The following SETBP1 variants were observed in gnomAD, a reference collection of about 807,000 sequenced individuals.
SETBP1 encodes the protein SET-binding protein.
Under a neutral mutation model 101.0 loss-of-function variants are expected in SETBP1, and 9 were observed. The observed-to-expected ratio is 0.09, with a 90% CI of 0.05 to 0.16. SETBP1 has a LOEUF of 0.16. Among genes scored for constraint, SETBP1 ranks in the 10% least tolerant of loss-of-function variants. SETBP1 has a pLI of 1.00. For synonymous variants in SETBP1, 818 were observed against 788.5 expected (o/e 1.04, Z -0.63); for missense variants, 1,858 against 2,033.8 (o/e 0.91, Z 1.66).
At chr18:44,963,809 G>C (rs763518260) in intron 4 of SETBP1, among the ~76,000 whole-genome samples, 10 of 145,664 alleles carry the variant, frequency 6.9e-5, no homozygotes, top group Non-Finnish European at 1.5e-4. Context: ...ACGACTGCTT[G>C]AGCCCAGGAG....
chr18:44,805,522 A>C (rs1487744931), intron 2 of SETBP1, among the ~76,000 whole-genome samples: 1 of 152,068 alleles, frequency 6.6e-6, no homozygotes, highest in Non-Finnish European at 1.5e-5. Context: ...ACCCCTTCAC[A>C]AAGCAATTTT....
At chr18:44,860,764 A>G (rs1477538311) in intron 2 of SETBP1, among the ~76,000 whole-genome samples, 1 of 149,958 alleles carries the variant, frequency 6.7e-6, no homozygotes, top group East Asian at 1.9e-4. Flanking sequence ...AAAAAAAAGT[A>G]TAAAGAAAGA....
intron 4 of SETBP1, among the ~76,000 whole-genome samples, chr18:45,005,084 T>A (rs1378517843): frequency 6.6e-6 from 1 of 152,174 alleles, no homozygotes; most frequent in African/African-American, 2.4e-5. Flanking sequence ...GGAATGAAAC[T>A]AATATTATGA....
At chr18:44,967,576 G>T (rs1362383719) in intron 4 of SETBP1, among the ~76,000 whole-genome samples, 1 of 152,198 alleles carries the variant, frequency 6.6e-6, no homozygotes, top group Non-Finnish European at 1.5e-5. Context: ...CTGAAATCAG[G>T]TGTGGTCAGG....
chr18:44,948,060 G>A (rs1309851596), intron 3 of SETBP1, among the ~76,000 whole-genome samples: 1 of 152,188 alleles, frequency 6.6e-6, no homozygotes, highest in Admixed American at 6.5e-5. Context: ...TGTTTTTGCT[G>A]AAAATGGAAT....
intron 4 of SETBP1, among the ~76,000 whole-genome samples, chr18:45,002,732 A>C (rs1568021294): frequency 6.6e-6 from 1 of 151,160 alleles, no homozygotes; most frequent in East Asian, 1.9e-4. Context: ...AACTTCAGCA[A>C]CTCTCTCATC....
intron 2 of SETBP1, among the ~76,000 whole-genome samples, chr18:44,844,983 TC>T (rs1210320064): frequency 6.6e-6 from 1 of 151,806 alleles, no homozygotes; most frequent in African/African-American, 2.4e-5. Context: ...GAGAGGAGGG[TC>T]TTGATGGGAA....
At chr18:44,719,889 A>G (rs902670328) in intron 2 of SETBP1, among the ~76,000 whole-genome samples, 3 of 152,190 alleles carry the variant, frequency 2.0e-5, no homozygotes, top group Admixed American at 6.5e-5. Context: ...CAAAGCACAC[A>G]GCCTGCTGGC....
chr18:44,846,193 A>G (rs551628307), intron 2 of SETBP1, among the ~76,000 whole-genome samples: 1 of 152,302 alleles, frequency 6.6e-6, no homozygotes, highest in East Asian at 1.9e-4. Flanking sequence ...CTCAACTGTG[A>G]ATTTTTTAAA....
At position 45,064,484 on chromosome 18, in the gene SETBP1, G is replaced by T. The variant is rs779877052; in HGVS notation, c.*786G>T. The T allele has an allele frequency of 6.6e-6, 1 of 151,182 alleles. No individual in the cohort carries two copies. The highest frequency in any genetic ancestry group is 1.5e-5 in the Non-Finnish European group (1 of 67,896). 9.4% of individuals were successfully genotyped at this position (151,182 alleles called of 1,614,324 possible). ...AATAAAGTAATCCTTAACCTGTGCT[G>T]TAAAGTTCACCCTTGGCATGCTGTT... On this transcript the variant is annotated 3_prime_UTR_variant, in exon 6 of 6. Coordinates refer to ENST00000649279, the MANE Select transcript of SETBP1 (RefSeq NM_015559.3).
intron 4 of SETBP1, chr18:44,989,076 A>G (rs539983050): frequency 2.6e-5 from 4 of 152,342 alleles, no homozygotes; most frequent in African/African-American, 9.6e-5. Flanking sequence ...ATGATAATGC[A>G]AAATACATGA....
chr18:44,836,860 G>A (rs777633524), intron 2 of SETBP1, among the ~76,000 whole-genome samples: 1 of 152,170 alleles, frequency 6.6e-6, no homozygotes, highest in Admixed American at 6.5e-5. Flanking sequence ...GAGGAACAAG[G>A]ACATCTTGTT....
chr18:45,061,345 CAT>C (rs1023386586), intron 5 of SETBP1, among the ~76,000 whole-genome samples: 5 of 152,196 alleles, frequency 3.3e-5, no homozygotes, highest in Non-Finnish European at 5.9e-5. Flanking sequence ...CTTTGAGGGA[CAT>C]AAAGACAGAC....
intron 2 of SETBP1, among the ~76,000 whole-genome samples, chr18:44,818,171 G>A (rs1002051201): frequency 2.6e-5 from 4 of 152,268 alleles, no homozygotes; most frequent in Admixed American, 6.5e-5. Context: ...CCCACATTCT[G>A]CACTCTCTGT....
chr18:44,929,995 G>A (rs966919404), intron 3 of SETBP1, among the ~76,000 whole-genome samples: 1 of 152,148 alleles, frequency 6.6e-6, no homozygotes, highest in Non-Finnish European at 1.5e-5. Context: ...GGTAAGAGAG[G>A]GCATCCTTGT....
At chr18:44,808,634 G>T (rs753311216) in intron 2 of SETBP1, among the ~76,000 whole-genome samples, 5 of 152,162 alleles carry the variant, frequency 3.3e-5, no homozygotes, top group Non-Finnish European at 7.3e-5. Context: ...GGAACACATG[G>T]TGAGCTGCAG....
At position 44,748,847 on chromosome 18, in the gene SETBP1, C is replaced by T. The variant is rs181270103; in HGVS notation, c.486+47015C>T. Among the ~76,000 whole-genome samples, 7 of 152,292 alleles carry T rather than the reference C, an allele frequency of 4.6e-5. No homozygotes were observed. The East Asian group carries it at 1.2e-3, about 25-fold the overall frequency. On this transcript the variant is annotated intron_variant, in intron 2 of 5. Coordinates refer to ENST00000649279, the MANE Select transcript of SETBP1 (RefSeq NM_015559.3). ...GATCATGCAACGAGACATATTTGCACATTCTCTGTGGGGATGTGGCAGGAC... is the reference window on the plus strand; with the variant it reads ...GATCATGCAACGAGACATATTTGCATATTCTCTGTGGGGATGTGGCAGGAC...
intron 4 of SETBP1, among the ~76,000 whole-genome samples, chr18:45,026,754 C>T (rs907960263): frequency 6.6e-6 from 1 of 152,084 alleles, no homozygotes; most frequent in Non-Finnish European, 1.5e-5. Flanking sequence ...ATTACATCAG[C>T]ATTTTGTTTG....
intron 2 of SETBP1, among the ~76,000 whole-genome samples, chr18:44,709,363 A>G (rs895409071): frequency 1.3e-5 from 2 of 152,174 alleles, no homozygotes; most frequent in Admixed American, 6.6e-5. Context: ...TACAGGGTCT[A>G]TTAGAAAGAG....
Sources: allele counts gnomAD v4.1 joint callset (sites outside exome capture counted in the v4.1 genomes callset), GRCh38; gene constraint gnomAD v4.1.1; transcripts MANE v1.5; gene names NCBI Gene and HGNC (gene_info 2026-07-23, HGNC 2026-07-21).